The following GRID1 variants were observed in gnomAD, a reference collection of about 807,000 sequenced individuals.
The protein encoded by GRID1 is glutamate ionotropic receptor delta type subunit 1, also known as glutamate receptor ionotropic, delta-1.
GRID1 carries 28 observed loss-of-function variants against 98.0 expected under a neutral mutation model. That is an observed-to-expected ratio of 0.29 (90% CI 0.21 to 0.39). The LOEUF is 0.39. Ranked by LOEUF, GRID1 falls within the 10% of genes least tolerant of loss-of-function variation. The pLI is 1.00. For missense variants in GRID1, 1,111 were observed against 1,340.5 expected, an observed-to-expected ratio of 0.83 and a Z score of 2.67; for synonymous variants, 553 against 538.5, an observed-to-expected ratio of 1.03 and a Z score of -0.37.
intron 2 of GRID1, among the ~76,000 whole-genome samples, chr10:86,237,667 T>G (rs990665697): frequency 6.8e-6 from 1 of 146,240 alleles, no homozygotes; most frequent in South Asian, 2.2e-4. Context: ...GCCACTGCAC[T>G]CCAGCCTGGG....
At chr10:85,640,405 C>T (rs1304386700) in intron 13 of GRID1, among the ~76,000 whole-genome samples, 1 of 152,196 alleles carries the variant, frequency 6.6e-6, no homozygotes, top group East Asian at 1.9e-4. Context: ...TTTTGCTTTG[C>T]ACTACACAGG....
At chr10:85,865,965 A>ATG (rs1564613340) in intron 6 of GRID1, among the ~76,000 whole-genome samples, 16 of 83,322 alleles carry the variant, frequency 1.9e-4, no homozygotes, top group African/African-American at 8.5e-4. Context: ...GGAGAGAGAG[A>ATG]GAGAGAGAGA....
At position 85,701,375 on chromosome 10, in the gene GRID1, C is replaced by T. The variant is rs114435324; in HGVS notation, c.1997+21628G>A. 4.2e-3 allele frequency among the ~76,000 whole-genome samples: 550 copies of T among 129,460 alleles called. 2 individuals carry two copies. The highest frequency in any genetic ancestry group is 0.014 in the African/African-American group (522 of 38,138). 84.9% of individuals were successfully genotyped at this position (129,460 alleles called of 152,430 possible). A position where few individuals can be genotyped will look rare whatever the true frequency, so the allele number is the denominator to read the frequency against. On this transcript the variant is annotated intron_variant, in intron 12 of 15. Coordinates refer to ENST00000327946, the MANE Select transcript of GRID1 (RefSeq NM_017551.3). Reference sequence around the variant, plus strand: ...GTCAGTAAATAGCAGAGAATATGGACGCCAAGAAAAAAAAAAGGTTACAAA... The same window carrying T: ...GTCAGTAAATAGCAGAGAATATGGATGCCAAGAAAAAAAAAAGGTTACAAA...
intron 4 of GRID1, among the ~76,000 whole-genome samples, chr10:85,922,452 C>G (rs2131827912): frequency 6.6e-6 from 1 of 152,302 alleles, no homozygotes. Context: ...TAATTGTTGA[C>G]CACTTATCTA....
At chr10:85,920,889 G>A (rs778989065) in intron 4 of GRID1, among the ~76,000 whole-genome samples, 12 of 152,188 alleles carry the variant, frequency 7.9e-5, no homozygotes, top group Non-Finnish European at 1.2e-4. Context: ...CACAAACCCC[G>A]TGGGAGCTGG....
chr10:85,681,955 C>T (rs1841214238), intron 12 of GRID1, among the ~76,000 whole-genome samples: 3 of 151,944 alleles, frequency 2.0e-5, no homozygotes, highest in Admixed American at 6.6e-5. Flanking sequence ...GCACATGCAC[C>T]AGCAAACACT....
At chr10:85,745,817 T>G (rs1841991417) in intron 8 of GRID1, among the ~76,000 whole-genome samples, 2 of 151,782 alleles carry the variant, frequency 1.3e-5, no homozygotes, top group Admixed American at 1.3e-4. Context: ...GACATTTAGA[T>G]CCCTGAAGTA....
intron 4 of GRID1, among the ~76,000 whole-genome samples, chr10:85,946,612 A>G (rs1379651758): frequency 1.3e-5 from 2 of 152,236 alleles, no homozygotes; most frequent in Non-Finnish European, 2.9e-5. Context: ...TGAGTAACAG[A>G]GTCCAGTGGG....
At chr10:86,179,908 C>T (rs1226535896) in intron 3 of GRID1, among the ~76,000 whole-genome samples, 1 of 152,204 alleles carries the variant, frequency 6.6e-6, no homozygotes, top group African/African-American at 2.4e-5. Flanking sequence ...ATTACACACA[C>T]ACCTCAGTCT....
intron 2 of GRID1, among the ~76,000 whole-genome samples, chr10:86,314,819 T>C (rs753842243): frequency 5.3e-5 from 8 of 152,174 alleles, no homozygotes; most frequent in Non-Finnish European, 1.0e-4. Context: ...CTCTGCCCAG[T>C]GCCCTGAGAC....
chr10:85,852,671 C>T (rs903802202), intron 8 of GRID1, among the ~76,000 whole-genome samples: 2 of 152,204 alleles, frequency 1.3e-5, no homozygotes, highest in Admixed American at 1.3e-4. Context: ...CTTTTTCACA[C>T]CAGAGTGATT....
At chr10:85,805,898 A>G (rs1327013357) in intron 8 of GRID1, among the ~76,000 whole-genome samples, 3 of 151,932 alleles carry the variant, frequency 2.0e-5, no homozygotes, top group Non-Finnish European at 4.4e-5. Context: ...ATAGGGAAAA[A>G]TATTTGTGAC....
intron 4 of GRID1, among the ~76,000 whole-genome samples, chr10:85,940,603 C>T (rs963829461): frequency 6.6e-6 from 1 of 152,182 alleles, no homozygotes; most frequent in African/African-American, 2.4e-5. Context: ...ATTTTATAGA[C>T]CCTAGGCTTC....
chr10:85,672,980 C>G (rs1190937527), intron 12 of GRID1, among the ~76,000 whole-genome samples: 1 of 152,198 alleles, frequency 6.6e-6, no homozygotes, highest in Non-Finnish European at 1.5e-5. Context: ...AAGGATTCAC[C>G]ATTCTAGGTG....
intron 12 of GRID1, among the ~76,000 whole-genome samples, chr10:85,721,968 GA>G (rs370505172): frequency 5.3e-5 from 8 of 152,248 alleles, no homozygotes; most frequent in Non-Finnish European, 1.2e-4. Context: ...TTACCATTGA[GA>G]AAAGTGGGTA....
intron 8 of GRID1, among the ~76,000 whole-genome samples, chr10:85,761,789 G>T (rs1190348984): frequency 6.6e-6 from 1 of 152,072 alleles, no homozygotes; most frequent in African/African-American, 2.4e-5. Context: ...CTGCCAGACA[G>T]TCCCTATGCC....
chr10:86,078,626 A>C (rs1232655642), intron 4 of GRID1, among the ~76,000 whole-genome samples: 1 of 152,248 alleles, frequency 6.6e-6, no homozygotes, highest in Admixed American at 6.5e-5. Context: ...TGAGATTGAT[A>C]ATGGGAACAC....
intron 5 of GRID1, among the ~76,000 whole-genome samples, chr10:85,869,779 A>T (rs547681269): frequency 6.6e-6 from 1 of 152,092 alleles, no homozygotes; most frequent in Admixed American, 6.5e-5. Flanking sequence ...CATAAATCTC[A>T]TGGGCATCCT....
intron 5 of GRID1, among the ~76,000 whole-genome samples, chr10:85,887,120 A>T (rs936964670): frequency 6.6e-6 from 1 of 152,232 alleles, no homozygotes; most frequent in African/African-American, 2.4e-5. Flanking sequence ...TTCAATAAAG[A>T]CGTGATGACA....
Sources: gnomAD v4.1 joint callset for allele counts (sites outside exome capture counted in the v4.1 genomes callset) on GRCh38, gnomAD v4.1.1 for gene constraint, MANE v1.5 for transcripts, NCBI Gene and HGNC (gene_info 2026-07-23, HGNC 2026-07-21) for gene names.